CCNYL1: variants seen among roughly 807,000 people sequenced by gnomAD.
The protein encoded by CCNYL1 is cyclin-Y-like protein 1.
Under a neutral mutation model 44.2 loss-of-function variants are expected in CCNYL1, and 16 were observed. The ratio of observed to expected loss-of-function variants is 0.36; its 90% CI spans 0.25 to 0.55. The LOEUF (loss-of-function observed/expected upper bound fraction) is 0.55. Among genes scored for constraint, CCNYL1 ranks in the 20% least tolerant of loss-of-function variants. The pLI is 0.85. For synonymous variants in CCNYL1, 159 were observed against 163.2 expected (o/e 0.97, Z 0.20); for missense variants, 348 against 451.8 (o/e 0.77, Z 2.08).
chr2:207,714,904 A>C (rs1388640182), intron 1 of CCNYL1: 1 of 152,326 alleles, frequency 6.6e-6, no homozygotes, highest in African/African-American at 2.4e-5. Flanking sequence ...ACACATTGAA[A>C]GTTTGCTTTT....
chr2:207,753,741 CAA>C lies in CCNYL1; in HGVS notation c.*45_*46del. 1 of 1,241,138 alleles carries C rather than the reference CAA, an allele frequency of 8.1e-7. No individual in the cohort carries two copies. Among genetic ancestry groups the C allele is most frequent in the Non-Finnish European group, 1.2e-6 (1 of 855,342 alleles). The allele number at this position is 1,241,138 out of a possible 1,614,324, so 76.9% of individuals were successfully genotyped here. Reference sequence around the variant, plus strand: ...TATAACGTCATGGGACCTTCATCTACAAAGACTGGAGAAATACCACCTTTCCT... The same window carrying C: ...TATAACGTCATGGGACCTTCATCTACAGACTGGAGAAATACCACCTTTCCT... On this transcript the variant is annotated 3_prime_UTR_variant, in exon 10 of 10. Transcript: ENST00000295414.
rs1434043941 is a variant in CCNYL1 at position 207,711,685 on chromosome 2, G to T, written c.-212G>T. The stretch of plus-strand genomic sequence containing the variant: ...GAGGCGGCGGCAGCGCGGCGGTGGG[G>T]GTGCGGCCGAGGCCCGAGCCCTGCC... On this transcript the variant is annotated 5_prime_UTR_variant, in exon 1 of 10. Transcript: ENST00000295414. 6.4e-6 allele frequency: 1 copy of T among 156,570 alleles called. No individual in the cohort carries two copies. The highest frequency in any genetic ancestry group is 1.4e-5 in the Non-Finnish European group (1 of 71,712). 9.7% of individuals were successfully genotyped at this position (156,570 alleles called of 1,614,324 possible). A position where few individuals can be genotyped will look rare whatever the true frequency, so the allele number is the denominator to read the frequency against.
intron 7 of CCNYL1, 94 bp downstream of exon 7, chr2:207,742,436 T>C (rs1352638970): frequency 1.7e-6 from 2 of 1,165,420 alleles, no homozygotes; most frequent in South Asian, 3.9e-5. Context: ...TTCCTGAAAT[T>C]ATCATCAGAA....
chr2:207,742,151 C>CAA (rs201207374), intron 6 of CCNYL1, 72 bp from the exon 7 acceptor site: 1,570 of 1,098,962 alleles, frequency 1.4e-3, no homozygotes, highest in African/African-American at 1.9e-3. Flanking sequence ...AACTCAGTCT[C>CAA]AAAAAAAAAA....
intron 6 of CCNYL1, among the ~76,000 whole-genome samples, chr2:207,741,055 A>T (rs1476915154): frequency 6.6e-6 from 1 of 151,974 alleles, no homozygotes; most frequent in Non-Finnish European, 1.5e-5. Context: ...GGAGATCAAG[A>T]CCATCCTGGC....
intron 3 of CCNYL1, among the ~76,000 whole-genome samples, chr2:207,727,594 T>C (rs929621565): frequency 1.3e-5 from 2 of 152,118 alleles, no homozygotes; most frequent in Non-Finnish European, 2.9e-5. Context: ...CAGCTATTTT[T>C]CCCCCCAAAT....
chr2:207,731,934 C>T (rs928520207), intron 3 of CCNYL1, among the ~76,000 whole-genome samples: 5 of 151,796 alleles, frequency 3.3e-5, no homozygotes, highest in Non-Finnish European at 5.9e-5. Context: ...CTCGGCCTCC[C>T]GAGTAGTTGG....
intron 5 of CCNYL1, among the ~76,000 whole-genome samples, chr2:207,740,234 G>A (rs530944514): frequency 2.0e-5 from 3 of 152,248 alleles, no homozygotes; most frequent in South Asian, 4.1e-4. Flanking sequence ...AATGTAATAC[G>A]GAGAACTAGA....
rs1464037288 is a variant in CCNYL1 at position 207,711,958 on chromosome 2, C to G, written c.62C>G (p.Ala21Gly). 1.4e-6 allele frequency: 2 copies of G among 1,401,436 alleles called. No individual in the cohort carries two copies. The highest frequency in any genetic ancestry group is 3.1e-5 in the African/African-American group (2 of 65,540). The allele number at this position is 1,401,436 out of a possible 1,614,324, so 86.8% of individuals were successfully genotyped here. ...GCCAGCCCCAAGCTGGGCCGGCGCG[C>G]GGGGTCGGCGGAGCTGTACTGCGCG... ...PNASPKLGRR[A>G]GSAELYCASD... Residue 21 changes from alanine (A) to glycine (G), a missense_variant, in exon 1 of 10, where the codon GCG becomes GGG. Physicochemically the swap from Ala to Gly is moderately conservative, Grantham distance 60. Coordinates refer to ENST00000295414, the MANE Select transcript of CCNYL1 (RefSeq NM_001330218.2).
chr2:207,729,087 G>A (rs1378255800), intron 3 of CCNYL1, among the ~76,000 whole-genome samples: 1 of 152,102 alleles, frequency 6.6e-6, no homozygotes, highest in African/African-American at 2.4e-5. Context: ...ATGAGCCACC[G>A]CACCCGGCCT....
intron 6 of CCNYL1, 150 bp downstream of exon 6, chr2:207,740,856 A>G (rs918111003): frequency 1.6e-5 from 10 of 619,134 alleles, no homozygotes; most frequent in Non-Finnish European, 2.8e-5. Flanking sequence ...AAAATGGTGT[A>G]AACATTTAAA....
intron 7 of CCNYL1, among the ~76,000 whole-genome samples, chr2:207,743,852 T>C (rs2091831442): frequency 6.6e-6 from 1 of 152,170 alleles, no homozygotes; most frequent in South Asian, 2.1e-4. Context: ...TTTAATTTTT[T>C]AGTAGAACTA....
chr2:207,728,261 CTT>C (rs571559698), intron 3 of CCNYL1, among the ~76,000 whole-genome samples: 4 of 140,954 alleles, frequency 2.8e-5, no homozygotes, highest in East Asian at 4.2e-4. Context: ...TGCACCTGGC[CTT>C]TTTTTTTTTT....
chr2:207,732,827 C>G (rs140760367), intron 3 of CCNYL1, among the ~76,000 whole-genome samples: 30 of 152,288 alleles, frequency 2.0e-4, no homozygotes, highest in East Asian at 9.6e-4. Flanking sequence ...CTCCTTGATA[C>G]AAATGCAGAT....
chr2:207,735,303 G>A (rs552737276), intron 4 of CCNYL1, among the ~76,000 whole-genome samples: 1 of 152,276 alleles, frequency 6.6e-6, no homozygotes, highest in East Asian at 1.9e-4. Flanking sequence ...TGTTTATCAT[G>A]GCTTACTAGT....
In CCNYL1 at chr2:207,747,017, A is replaced by G. The variant is rs778521514; in HGVS notation, c.640-30A>G. ...CTTATCAAAGCATTTAAACTGAACTAAAATCAAAGACCAGTGCTCTATTTT... is the reference window on the plus strand; with the variant it reads ...CTTATCAAAGCATTTAAACTGAACTGAAATCAAAGACCAGTGCTCTATTTT... On this transcript the variant is annotated intron_variant, in intron 7 of 9. Coordinates refer to ENST00000295414, the MANE Select transcript of CCNYL1 (RefSeq NM_001330218.2). The G allele has an allele frequency of 1.3e-5, 20 of 1,582,864 alleles. No individual in the cohort carries two copies. The African/African-American group carries it at 1.9e-4, about 15-fold the overall frequency.
rs1465923994 is a variant in CCNYL1 at position 207,754,850 on chromosome 2, C to T, written c.*1152C>T. The T allele has an allele frequency of 6.5e-6, 1 of 153,310 alleles. No homozygotes were observed. The highest frequency in any genetic ancestry group is 2.4e-5 in the African/African-American group (1 of 41,388). The allele number at this position is 153,310 out of a possible 1,614,324, so 9.5% of individuals were successfully genotyped here. ...TGTTTCGGTCACTCTTGATAGCAGA[C>T]ATTGACTGAAACAAAAAATTAAAAG... On this transcript the variant is annotated 3_prime_UTR_variant, in exon 10 of 10. Transcript: ENST00000295414.
intron 5 of CCNYL1, among the ~76,000 whole-genome samples, chr2:207,738,117 G>A (rs967318099): frequency 6.6e-6 from 1 of 152,172 alleles, no homozygotes; most frequent in African/African-American, 2.4e-5. Flanking sequence ...TTGTTTTGAA[G>A]AAGTGATAAG....
chr2:207,737,518 C>T (rs2091774863), intron 5 of CCNYL1, 72 bp downstream of exon 5: 3 of 1,230,308 alleles, frequency 2.4e-6, no homozygotes, highest in Non-Finnish European at 3.5e-6. Flanking sequence ...AGTATTAGGT[C>T]ATAACTATAG....
Sources: gnomAD v4.1 joint callset for allele counts (sites outside exome capture counted in the v4.1 genomes callset) on GRCh38, gnomAD v4.1.1 for gene constraint, MANE v1.5 for transcripts, NCBI Gene and HGNC (gene_info 2026-07-23, HGNC 2026-07-21) for gene names.